Variants in MZF1 observed in about 807,000 individuals in gnomAD.
MZF1 encodes the protein zinc finger and SCAN domain-containing protein 6.
In MZF1, 24 loss-of-function variants were observed where a neutral mutation model predicts 28.6. The observed-to-expected ratio is 0.84, with a 90% CI of 0.61 to 1.18. MZF1 has a LOEUF of 1.18. MZF1 is among the 50% of genes most tolerant of loss of function. The pLI, the probability that MZF1 is intolerant of heterozygous loss-of-function variation, is 0.00. For synonymous variants in MZF1, 516 were observed against 432.5 expected (o/e 1.19, Z -2.40); for missense variants, 1,166 against 1,026.4 (o/e 1.14, Z -1.86).
intron 5 of MZF1, chr19:58,564,515 C>T (rs1451138820): frequency 3.9e-5 from 6 of 152,184 alleles, no homozygotes; most frequent in Non-Finnish European, 8.8e-5. Flanking sequence ...CCATAAAATA[C>T]ACTCCATCTC....
intron 1 of MZF1, chr19:58,572,853 G>A (rs1190992283): frequency 1.3e-5 from 4 of 314,406 alleles, no homozygotes; most frequent in Admixed American, 4.1e-5. Flanking sequence ...AGGCAACCGG[G>A]GGCGGGGCTC....
intron 1 of MZF1, chr19:58,572,583 G>C: frequency 7.8e-7 from 1 of 1,289,726 alleles, no homozygotes; most frequent in Non-Finnish European, 1.0e-6. Context: ...TGCAGCTGCG[G>C]CTTTAGGAAG....
In MZF1 at chr19:58,569,240, C is replaced by T. The variant is rs200089183; in HGVS notation, c.772+37G>A. On this transcript the variant is annotated intron_variant, in intron 5 of 5. Transcript: ENST00000215057. ...GTCGGCAGAGATGGTGCTGTCCATG[C>T]GGAAGGCCTAGTCCCACCACACCCC... 6.7e-4 allele frequency: 1,038 copies of T among 1,543,990 alleles called. 3 individuals are homozygous for T. Among genetic ancestry groups the T allele is most frequent in the East Asian group, 9.8e-4 (43 of 44,016 alleles).
intron 5 of MZF1, among the ~76,000 whole-genome samples, chr19:58,564,902 G>GC (rs1872485914): frequency 4.8e-5 from 2 of 41,954 alleles, no homozygotes; most frequent in African/African-American, 7.3e-5. Flanking sequence ...CCATGTGTGT[G>GC]TTTTTTTTTT....
At chr19:58,566,905 C>CTTTTT (rs11403633) in intron 5 of MZF1, among the ~76,000 whole-genome samples, 1 of 145,568 alleles carries the variant, frequency 6.9e-6, no homozygotes. Flanking sequence ...TCCCAAGACT[C>CTTTTT]TTTTTTTTTT....
intron 5 of MZF1, chr19:58,568,124 AG>A (rs1020321513): frequency 6.6e-6 from 1 of 152,248 alleles, no homozygotes; most frequent in Non-Finnish European, 1.5e-5. Context: ...ACATGCCTGC[AG>A]TCCCAGATAC....
rs944512186 is a variant in MZF1, at chr19:58,563,462, C to G, written c.815G>C (p.Ser272Thr). The change falls in exon 6 of 6, where the codon AGT becomes ACT. Residue 272 changes from serine (S) to threonine (T), a missense_variant. By Grantham distance (58) the Ser-to-Thr change is moderately conservative. Transcript: ENST00000215057. ...QLGSISAGPG[S>T]VSPHLHVPWD... ...GGGGACGTGGAGGTGAGGGCTTACA[C>G]TACCTGGACCTGCGGAGATGCTGCC... The G allele has an allele frequency of 1.3e-6, 2 of 1,571,860 alleles. No individual in the cohort carries two copies. The highest frequency in any genetic ancestry group is 3.7e-5 in the Admixed American group (2 of 53,938).
At chr19:58,567,127 C>T (rs1434915448) in intron 5 of MZF1, among the ~76,000 whole-genome samples, 3 of 152,102 alleles carry the variant, frequency 2.0e-5, no homozygotes, top group Admixed American at 6.5e-5. Flanking sequence ...AGGATGGTCT[C>T]GAACTCTTGG....
intron 5 of MZF1, among the ~76,000 whole-genome samples, chr19:58,565,500 G>A (rs1316149637): frequency 6.6e-6 from 1 of 151,762 alleles, no homozygotes; most frequent in Non-Finnish European, 1.5e-5. Context: ...AAAGTGCTGG[G>A]ATTACAGGTG....
Position 58,571,430 on chromosome 19 carries a change from C to T in MZF1, c.-40-1G>A, listed in dbSNP as rs1568687377. 25 of 1,609,268 alleles carry T rather than the reference C, an allele frequency of 1.6e-5. No individual in the cohort carries two copies. The Admixed American group carries it at 4.2e-4, about 27-fold the overall frequency. On this transcript the variant is annotated splice_acceptor_variant, in intron 1 of 5. Coordinates refer to ENST00000215057, the MANE Select transcript of MZF1 (RefSeq NM_198055.2). LOFTEE classifies it low-confidence loss of function (5UTR_SPLICE). ...AGGTATCTGAGGCCAGTGTCTGCCC[C>T]TGGTGAAGAAATAGGATGAGGCTGT...
At chr19:58,566,190 T>G (rs2054053048) in intron 5 of MZF1, among the ~76,000 whole-genome samples, 1 of 150,156 alleles carries the variant, frequency 6.7e-6, no homozygotes, top group Non-Finnish European at 1.5e-5. Flanking sequence ...CTCACGCCTG[T>G]GATCCCGGCA....
chr19:58,569,238 T>A (rs1328920874), intron 5 of MZF1, 39 bp downstream of exon 5: 1 of 1,543,520 alleles, frequency 6.5e-7, no homozygotes, highest in Non-Finnish European at 8.7e-7. Context: ...GTGCTGTCCA[T>A]GCGGAAGGCC....
chr19:58,570,721 TG>T, intron 2 of MZF1, 194 bp from the exon 3 acceptor site: 1 of 678,482 alleles, frequency 1.5e-6, no homozygotes, highest in Non-Finnish European at 2.4e-6. Flanking sequence ...GTCCCTCCCC[TG>T]CTCTGACATC....
In MZF1 at chr19:58,571,010, C is replaced by T; in HGVS notation, c.380G>A (p.Gly127Asp). ...CTCACTCACCCATCTCCGGGGTCCG[C>T]CCGGCTCCCGGCGCAGCCCATCTAC... is the stretch of plus-strand genomic sequence containing the variant. ...ALVDGLRREP[G>D]GPRRWVTVQV... Residue 127 changes from glycine (G) to aspartate (D), a missense_variant, in exon 2 of 6, where the codon GGC becomes GAC. Transcript: ENST00000215057. The T allele has an allele frequency of 1.2e-6, 2 of 1,608,798 alleles. No homozygotes were observed. Among genetic ancestry groups the T allele is most frequent in the Non-Finnish European group, 1.7e-6 (2 of 1,176,934 alleles).
rs780656867 is a variant in MZF1 at position 58,569,365 on chromosome 19, G to C, written c.684C>G (p.Pro228=). The change falls in exon 5 of 6, where the codon CCC becomes CCG. Residue 228 remains proline, a synonymous_variant. Transcript: ENST00000215057. ...RCGTVLDQIF[P]HSKTGPEGPS... is the part of the protein sequence containing the mutation. The stretch of plus-strand genomic sequence containing the variant: ...GACCCTCAGGCCCAGTCTTGCTGTG[G>C]GGAAAGATCTGGTCCAGCACGGTCC... The C allele has an allele frequency of 6.5e-5, 105 of 1,613,910 alleles. No individual in the cohort carries two copies. Among genetic ancestry groups the C allele is most frequent in the Non-Finnish European group, 1.6e-5 (19 of 1,179,970 alleles).
chr19:58,561,985 G>A lies in MZF1; in HGVS notation c.*87C>T. 3 of 1,392,436 alleles carry A rather than the reference G, an allele frequency of 2.2e-6. No homozygotes were observed. The highest frequency in any genetic ancestry group is 2.9e-6 in the Non-Finnish European group (3 of 1,031,536). 86.3% of individuals were successfully genotyped at this position (1,392,436 alleles called of 1,614,324 possible). On this transcript the variant is annotated 3_prime_UTR_variant, in exon 6 of 6. Transcript: ENST00000215057. ...CAGTAGCCAAGCCCTGGGCGGACCT[G>A]CTTATACTTATGTAATCGCCAGCCT...
At chr19:58,563,722 T>C in intron 5 of MZF1, 1 of 481,918 alleles carries the variant, frequency 2.1e-6, no homozygotes, top group Non-Finnish European at 3.6e-6. Flanking sequence ...CTGGGCTATG[T>C]GAAAAAGCTT....
chr19:58,572,491 C>A, intron 1 of MZF1: 1 of 1,218,160 alleles, frequency 8.2e-7, no homozygotes, highest in Non-Finnish European at 1.1e-6. Context: ...CTGATTCCGC[C>A]CATCTTCAGA....
chr19:58,567,698 C>T (rs944092593), intron 5 of MZF1, among the ~76,000 whole-genome samples: 4 of 152,174 alleles, frequency 2.6e-5, no homozygotes, highest in Non-Finnish European at 2.9e-5. Flanking sequence ...GAGTGGGGTT[C>T]CCCTATGTCC....
Sources: gnomAD v4.1 joint callset for allele counts (sites outside exome capture counted in the v4.1 genomes callset) on GRCh38, gnomAD v4.1.1 for gene constraint, MANE v1.5 for transcripts, NCBI Gene and HGNC (gene_info 2026-07-23, HGNC 2026-07-21) for gene names.